MBNL2: variants seen among roughly 807,000 people sequenced by gnomAD.
MBNL2 encodes muscleblind like splicing regulator 2.
In MBNL2, 17 loss-of-function variants were observed where a neutral mutation model predicts 41.9. The ratio of observed to expected loss-of-function variants is 0.41; its 90% CI spans 0.28 to 0.61. MBNL2 has a LOEUF of 0.61. Ranked by LOEUF, MBNL2 falls within the 20% of genes least tolerant of loss-of-function variation. MBNL2 has a pLI of 0.35. For synonymous variants in MBNL2, 195 were observed against 182.9 expected, an observed-to-expected ratio of 1.07 and a Z score of -0.53; for missense variants, 336 against 505.6, an observed-to-expected ratio of 0.66 and a Z score of 3.22.
the MBNL2 span, among the ~76,000 whole-genome samples, chr13:97,177,958 C>A: frequency 6.6e-6 from 1 of 152,120 alleles, no homozygotes. Context: ...TAAGTTGCAT[C>A]CATTGCCAGA....
intron 7 of MBNL2, among the ~76,000 whole-genome samples, chr13:97,360,760 A>G (rs1395340042): frequency 6.6e-6 from 1 of 152,228 alleles, no homozygotes; most frequent in East Asian, 1.9e-4. Flanking sequence ...AAAACATTTG[A>G]GAAGTCTTTG....
At chr13:97,301,990 C>A (rs1448466462) in intron 2 of MBNL2, among the ~76,000 whole-genome samples, 1 of 152,140 alleles carries the variant, frequency 6.6e-6, no homozygotes, top group African/African-American at 2.4e-5. Context: ...CATGAGGTGA[C>A]CATATTCCAG....
chr13:97,249,148 G>A (rs915598780), intron 1 of MBNL2, among the ~76,000 whole-genome samples: 4 of 152,076 alleles, frequency 2.6e-5, no homozygotes, highest in Non-Finnish European at 5.9e-5. Context: ...CTACTATATC[G>A]TCGTAATGGG....
At chr13:97,388,819 A>AATC (rs769079919) in intron 8 of MBNL2, among the ~76,000 whole-genome samples, 2 of 152,322 alleles carry the variant, frequency 1.3e-5, no homozygotes, top group Admixed American at 6.5e-5. Flanking sequence ...AAAATTTAAT[A>AATC]ATCAGAAGAT....
chr13:97,201,273 C>T, the MBNL2 span, among the ~76,000 whole-genome samples: 36 of 152,274 alleles, frequency 2.4e-4, no homozygotes, highest in East Asian at 1.2e-3. Flanking sequence ...TTCGCATTCC[C>T]GTTTCCAATT....
chr13:97,347,372 C>T (rs1207123893), intron 5 of MBNL2, among the ~76,000 whole-genome samples: 1 of 152,150 alleles, frequency 6.6e-6, no homozygotes, highest in Non-Finnish European at 1.5e-5. Flanking sequence ...TTAAGAGAGG[C>T]TCAGGGGCCT....
intron 8 of MBNL2, among the ~76,000 whole-genome samples, chr13:97,382,635 C>T (rs2065566139): frequency 6.6e-6 from 1 of 152,048 alleles, no homozygotes; most frequent in Non-Finnish European, 1.5e-5. Flanking sequence ...CACCTTCTTC[C>T]CCATTTCTCT....
chr13:97,317,070 A>G (rs556494886), intron 2 of MBNL2, among the ~76,000 whole-genome samples: 3 of 152,280 alleles, frequency 2.0e-5, no homozygotes, highest in Non-Finnish European at 4.4e-5. Context: ...CAGCCTGACA[A>G]TGCCAGTGGG....
chr13:97,270,028 C>T (rs998251440), intron 1 of MBNL2, among the ~76,000 whole-genome samples: 1 of 152,164 alleles, frequency 6.6e-6, no homozygotes, highest in Non-Finnish European at 1.5e-5. Context: ...GAACTATTAT[C>T]GACATTTAGA....
the MBNL2 span, among the ~76,000 whole-genome samples, chr13:97,196,609 A>G: frequency 6.6e-6 from 1 of 152,134 alleles, no homozygotes; most frequent in Non-Finnish European, 1.5e-5. Context: ...ACCTATAGCT[A>G]TGGAGGTCAT....
At chr13:97,153,306 T>C in the MBNL2 span, among the ~76,000 whole-genome samples, 1 of 151,664 alleles carries the variant, frequency 6.6e-6, no homozygotes, top group Non-Finnish European at 1.5e-5. Flanking sequence ...CACGTGTGTT[T>C]GAGCGTGTGT....
intron 2 of MBNL2, among the ~76,000 whole-genome samples, chr13:97,290,414 C>T (rs1013985724): frequency 9.2e-5 from 14 of 151,638 alleles, no homozygotes; most frequent in Admixed American, 6.6e-4. Flanking sequence ...CGGTGGCTCA[C>T]GCCTGTAATC....
At chr13:97,253,636 T>C (rs2046987709) in intron 1 of MBNL2, among the ~76,000 whole-genome samples, 1 of 152,136 alleles carries the variant, frequency 6.6e-6, no homozygotes, top group Non-Finnish European at 1.5e-5. Flanking sequence ...TGCAGGAAAA[T>C]TAAACATGTT....
intron 3 of MBNL2, among the ~76,000 whole-genome samples, chr13:97,338,570 T>C (rs929004497): frequency 6.6e-6 from 1 of 152,130 alleles, no homozygotes; most frequent in African/African-American, 2.4e-5. Flanking sequence ...TCCCCTTCAT[T>C]TATTCCTCCT....
At chr13:97,196,270 T>A in the MBNL2 span, among the ~76,000 whole-genome samples, 1 of 152,166 alleles carries the variant, frequency 6.6e-6, no homozygotes, top group South Asian at 2.1e-4. Context: ...TGCAGAGAAG[T>A]ATTAAGATTG....
intron 2 of MBNL2, among the ~76,000 whole-genome samples, chr13:97,321,392 G>C (rs955659073): frequency 1.3e-5 from 2 of 152,154 alleles, no homozygotes; most frequent in African/African-American, 4.8e-5. Flanking sequence ...GAAAACACTT[G>C]ACATTTAACA....
chr13:97,209,449 AAAGT>A, the MBNL2 span, among the ~76,000 whole-genome samples: 5 of 152,212 alleles, frequency 3.3e-5, no homozygotes, highest in African/African-American at 1.2e-4. Context: ...GAAGGTAAAG[AAAGT>A]GACTTCCCAG....
the MBNL2 span, among the ~76,000 whole-genome samples, chr13:97,147,250 A>G: frequency 1.3e-5 from 2 of 152,220 alleles, no homozygotes; most frequent in African/African-American, 2.4e-5. Context: ...CCAGACATAG[A>G]TACTTAGAGG....
At chr13:97,145,538 A>G in the MBNL2 span, among the ~76,000 whole-genome samples, 2 of 152,210 alleles carry the variant, frequency 1.3e-5, no homozygotes, top group Admixed American at 1.3e-4. Flanking sequence ...AACTTGCCAT[A>G]TGAAGTGAGG....
Sources: allele counts gnomAD v4.1 joint callset (sites outside exome capture counted in the v4.1 genomes callset), GRCh38; gene constraint gnomAD v4.1.1; transcripts MANE v1.5; gene names NCBI Gene and HGNC (gene_info 2026-07-23, HGNC 2026-07-21).